Variants in EIF2AK2 observed in about 807,000 individuals in gnomAD.
EIF2AK2 encodes eukaryotic translation initiation factor 2 alpha kinase 2.
In EIF2AK2, 40 loss-of-function variants were observed where a neutral mutation model predicts 70.5. That is an observed-to-expected ratio of 0.57 (90% confidence interval 0.44 to 0.74). The LOEUF is 0.74. EIF2AK2 is among the 30% of genes least tolerant of loss of function. EIF2AK2 has a pLI of 0.00. For synonymous variants in EIF2AK2, 198 were observed against 220.9 expected, an observed-to-expected ratio of 0.90 and a Z score of 0.92; for missense variants, 555 against 644.3, an observed-to-expected ratio of 0.86 and a Z score of 1.50.
chr2:37,151,061 G>C (rs1159584109), intron 1 of EIF2AK2, among the ~76,000 whole-genome samples: 1 of 152,138 alleles, frequency 6.6e-6, no homozygotes, highest in African/African-American at 2.4e-5. Flanking sequence ...AGCTATGACA[G>C]CAAGAGCACA....
At chr2:37,108,421 AGATGTCTCCAT>A (rs1367916082) in intron 15 of EIF2AK2, among the ~76,000 whole-genome samples, 1 of 152,208 alleles carries the variant, frequency 6.6e-6, no homozygotes, top group Non-Finnish European at 1.5e-5. Flanking sequence ...AGCCCAGCTT[AGATGTCTCCAT>A]GAAACCTAAG....
chr2:37,132,029 T>C (rs1276228869), intron 10 of EIF2AK2, among the ~76,000 whole-genome samples: 3 of 152,164 alleles, frequency 2.0e-5, no homozygotes, highest in Non-Finnish European at 2.9e-5. Context: ...CATTGTCTAC[T>C]AAAGGCAGCT....
chr2:37,113,017 A>C (rs1674210261), intron 14 of EIF2AK2, among the ~76,000 whole-genome samples: 1 of 152,258 alleles, frequency 6.6e-6, no homozygotes, highest in South Asian at 2.1e-4. Context: ...GTAGTGATGA[A>C]GCAACTGCAT....
intron 11 of EIF2AK2, among the ~76,000 whole-genome samples, 200 bp from the exon 12 acceptor site, chr2:37,122,864 T>C (rs1171391955): frequency 6.6e-6 from 1 of 152,070 alleles, no homozygotes; most frequent in Non-Finnish European, 1.5e-5. Context: ...GTTCTCACTC[T>C]CAAGATAAAA....
chr2:37,144,672 C>A (rs914982412), intron 4 of EIF2AK2, among the ~76,000 whole-genome samples: 1 of 151,876 alleles, frequency 6.6e-6, no homozygotes, highest in Non-Finnish European at 1.5e-5. Context: ...CAGCCCTGAC[C>A]TCTCAGGCAC....
At chr2:37,123,693 TAATTCA>T (rs762814211) in intron 11 of EIF2AK2, among the ~76,000 whole-genome samples, 3 of 152,192 alleles carry the variant, frequency 2.0e-5, no homozygotes, top group Non-Finnish European at 4.4e-5. Flanking sequence ...GTGAAGTACC[TAATTCA>T]GGATTTTCAA....
At chr2:37,111,463 G>C (rs1470221324) in intron 14 of EIF2AK2, among the ~76,000 whole-genome samples, 1 of 148,772 alleles carries the variant, frequency 6.7e-6, no homozygotes, top group African/African-American at 2.5e-5. Context: ...GCAATGGCGC[G>C]ATCTCAGCTC....
At chr2:37,114,620 A>G in intron 14 of EIF2AK2, 111 bp downstream of exon 14, 3 of 1,012,236 alleles carry the variant, frequency 3.0e-6, no homozygotes, top group Non-Finnish European at 3.9e-6. Flanking sequence ...GGTAAGGAAA[A>G]TTTTTAGTAT....
intron 4 of EIF2AK2, among the ~76,000 whole-genome samples, chr2:37,146,196 A>G (rs1675532108): frequency 6.6e-6 from 1 of 152,224 alleles, no homozygotes; most frequent in African/African-American, 2.4e-5. Context: ...TAGGAGCAAT[A>G]AGCTATACTA....
intron 5 of EIF2AK2, among the ~76,000 whole-genome samples, chr2:37,140,308 TCTC>T (rs1278788465): frequency 6.6e-6 from 1 of 152,150 alleles, no homozygotes; most frequent in African/African-American, 2.4e-5. Context: ...AAGTCCACAC[TCTC>T]CTCCTATTAG....
At chr2:37,150,834 T>G (rs1675716527) in intron 1 of EIF2AK2, among the ~76,000 whole-genome samples, 1 of 152,192 alleles carries the variant, frequency 6.6e-6, no homozygotes, top group Admixed American at 6.5e-5. Context: ...AAATCTCCCC[T>G]CTGAATTTTG....
intron 1 of EIF2AK2, among the ~76,000 whole-genome samples, chr2:37,155,269 T>C (rs1388313371): frequency 6.6e-6 from 1 of 152,206 alleles, no homozygotes; most frequent in Non-Finnish European, 1.5e-5. Flanking sequence ...CTTCACAGGC[T>C]CTTCCACAGT....
In EIF2AK2 at chr2:37,145,742, CTTTTTTTTTTTTTTTTTTTTTTTTT is replaced by C. The variant is rs56051707; in HGVS notation, c.240+1086_240+1110del. On this transcript the variant is annotated intron_variant, in intron 4 of 16. Coordinates refer to ENST00000233057, the MANE Select transcript of EIF2AK2 (RefSeq NM_001135651.3). ...CTTATATGGGTGTACTTTTGCTTGT[CTTTTTTTTTTTTTTTTTTTTTTTTT>C]TTTTTTTTTTTTTTGAGATAGGATC... 1.8e-4 allele frequency among the ~76,000 whole-genome samples: 9 copies of C among 51,224 alleles called. No homozygotes were observed. In the South Asian group the frequency reaches 5.3e-3, roughly 30 times the overall value. 33.6% of individuals were successfully genotyped at this position (51,224 alleles called of 152,430 possible).
chr2:37,111,338 G>T (rs6544056), intron 14 of EIF2AK2, among the ~76,000 whole-genome samples: 5,998 of 151,444 alleles, frequency 0.04, 164 homozygotes, highest in South Asian at 0.063. Flanking sequence ...AAAATAAAGA[G>T]ATATATTTTT....
intron 11 of EIF2AK2, among the ~76,000 whole-genome samples, chr2:37,125,405 C>G (rs1573013313): frequency 6.6e-6 from 1 of 152,218 alleles, no homozygotes; most frequent in South Asian, 2.1e-4. Flanking sequence ...GCTTCAGTGA[C>G]TTGTTTAACC....
At chr2:37,149,855 C>G in intron 1 of EIF2AK2, among the ~76,000 whole-genome samples, 1 of 152,296 alleles carries the variant, frequency 6.6e-6, no homozygotes, top group South Asian at 2.1e-4. Flanking sequence ...TCACTCACAG[C>G]AGAGCACGTA....
At chr2:37,139,784 T>C in intron 5 of EIF2AK2, 27 bp from the exon 6 acceptor site, 1 of 1,587,660 alleles carries the variant, frequency 6.3e-7, no homozygotes, top group African/African-American at 1.4e-5. Flanking sequence ...AAGGTACTTA[T>C]CCAAACATGA....
intron 10 of EIF2AK2, among the ~76,000 whole-genome samples, chr2:37,134,886 C>T (rs1675072010): frequency 6.6e-6 from 1 of 152,186 alleles, no homozygotes; most frequent in South Asian, 2.1e-4. Context: ...CCATTCCATC[C>T]ATCCAATACG....
chr2:37,117,620 T>C (rs1160325608), intron 13 of EIF2AK2, among the ~76,000 whole-genome samples: 3 of 152,146 alleles, frequency 2.0e-5, no homozygotes, highest in Admixed American at 2.0e-4. Context: ...CTGTAGATCA[T>C]ATAAAAGGGA....
Sources: allele counts gnomAD v4.1 joint callset (sites outside exome capture counted in the v4.1 genomes callset), GRCh38; gene constraint gnomAD v4.1.1; transcripts MANE v1.5; gene names NCBI Gene and HGNC (gene_info 2026-07-23, HGNC 2026-07-21).